Variants in STRIP2 observed in about 807,000 individuals in gnomAD.
STRIP2 encodes striatin interacting protein 2.
In STRIP2, 84 loss-of-function variants were observed where a neutral mutation model predicts 107.1. That is an observed-to-expected ratio of 0.78 (90% CI 0.66 to 0.94). STRIP2 has a LOEUF of 0.94. Ranked by LOEUF, STRIP2 falls within the 40% of genes least tolerant of loss-of-function variation. The pLI, the probability that STRIP2 is intolerant of heterozygous loss-of-function variation, is 0.00. For missense variants in STRIP2, 888 were observed against 1,034.2 expected (o/e 0.86, Z 1.94); for synonymous variants, 394 against 400.4 (o/e 0.98, Z 0.19).
At chr7:129,437,565 G>C (rs1797776205) in intron 1 of STRIP2, among the ~76,000 whole-genome samples, 2 of 151,896 alleles carry the variant, frequency 1.3e-5, no homozygotes, top group South Asian at 4.2e-4. Context: ...TAATGTAAAA[G>C]GTATCATTTT....
intron 18 of STRIP2, among the ~76,000 whole-genome samples, chr7:129,477,613 T>C (rs1799005477): frequency 6.6e-6 from 1 of 152,236 alleles, no homozygotes; most frequent in Admixed American, 6.5e-5. Context: ...TATCCACTTA[T>C]TTCACTTGAG....
At chr7:129,452,930 G>GGAAT (rs1798235990) in intron 4 of STRIP2, among the ~76,000 whole-genome samples, 1 of 152,104 alleles carries the variant, frequency 6.6e-6, no homozygotes, top group Admixed American at 6.5e-5. Flanking sequence ...ATGATTCCTG[G>GGAAT]GAATGATTCC....
At chr7:129,453,499 A>C (rs1798256391) in intron 5 of STRIP2, 152 bp downstream of exon 5, 3 of 976,470 alleles carry the variant, frequency 3.1e-6, no homozygotes, top group African/African-American at 3.3e-5. Flanking sequence ...GTTCCCCTCC[A>C]TCCAGCCATG....
At chr7:129,480,507 A>C (rs1799089912) in intron 18 of STRIP2, among the ~76,000 whole-genome samples, 1 of 152,196 alleles carries the variant, frequency 6.6e-6, no homozygotes, top group Non-Finnish European at 1.5e-5. Flanking sequence ...CTAGAGCAAT[A>C]AGCTACACAA....
chr7:129,460,279 G>T (rs1798494631), intron 12 of STRIP2, 22 bp from the exon 13 acceptor site: 2 of 1,609,422 alleles, frequency 1.2e-6, no homozygotes, highest in South Asian at 2.2e-5. Flanking sequence ...AGCCCTTGTT[G>T]ATGTCTTCTT....
At position 129,480,888 on chromosome 7, in the gene STRIP2, T is replaced by G. The variant is rs200116230; in HGVS notation, c.2048T>G (p.Met683Arg). 3.2e-5 allele frequency: 51 copies of G among 1,607,876 alleles called. No individual in the cohort carries two copies. The highest frequency in any genetic ancestry group is 6.8e-6 in the Non-Finnish European group (8 of 1,177,888). Residue 683 changes from methionine to arginine, a missense_variant and splice_region_variant, in exon 19 of 21, where the codon ATG becomes AGG. Coordinates refer to ENST00000249344, the MANE Select transcript of STRIP2 (RefSeq NM_020704.3). ...KLTKWKHSRT[M>R]MLVVFKSAPI... ...ACCAAATGGAAACATTCCCGGACCA[T>G]GGTGAGTGTGGTTTTTTACATCATG...
chr7:129,435,890 G>A (rs922163328), intron 1 of STRIP2, among the ~76,000 whole-genome samples: 1 of 152,078 alleles, frequency 6.6e-6, no homozygotes, highest in Non-Finnish European at 1.5e-5. Flanking sequence ...GTGATTTCAT[G>A]TATGCTTTAC....
chr7:129,452,088 C>A (rs1798209593), intron 4 of STRIP2, among the ~76,000 whole-genome samples: 1 of 152,160 alleles, frequency 6.6e-6, no homozygotes, highest in African/African-American at 2.4e-5. Context: ...GGAGACAAGA[C>A]ATCAACTGTG....
At chr7:129,457,432 T>C (rs768778976) in intron 9 of STRIP2, among the ~76,000 whole-genome samples, 2 of 152,214 alleles carry the variant, frequency 1.3e-5, no homozygotes, top group African/African-American at 2.4e-5. Context: ...CATTGTTGAC[T>C]GAAGCATCGT....
At position 129,485,840 on chromosome 7, in the gene STRIP2, G is replaced by C; in HGVS notation, c.*11G>C. 15 of 1,613,410 alleles carry C rather than the reference G, an allele frequency of 9.3e-6. No homozygotes were observed. Among genetic ancestry groups the C allele is most frequent in the Non-Finnish European group, 1.3e-5 (15 of 1,179,918 alleles). On this transcript the variant is annotated 3_prime_UTR_variant, in exon 21 of 21. Transcript: ENST00000249344. ...CTCCAGAATCACTGACTAAGTTCTT[G>C]TCAACAAGCATCAATAGATAGAGGT...
At chr7:129,443,040 TC>T (rs1214354346) in intron 2 of STRIP2, among the ~76,000 whole-genome samples, 2 of 141,556 alleles carry the variant, frequency 1.4e-5, no homozygotes, top group African/African-American at 5.0e-5. Context: ...CTTCTTTCTT[TC>T]TTTTTTTTTT....
At chr7:129,441,056 A>G (rs1797885985) in intron 2 of STRIP2, among the ~76,000 whole-genome samples, 1 of 152,078 alleles carries the variant, frequency 6.6e-6, no homozygotes, top group South Asian at 2.1e-4. Context: ...TGAGCAACCC[A>G]ACAAAGAAAT....
At position 129,480,129 on chromosome 7, in the gene STRIP2, C is replaced by T. The variant is rs971776486; in HGVS notation, c.1945-656C>T. ...AGCCCCAAATTCACATAAGGACTCACATTTTTATTTCTGAAAAATCTTTCT... is the reference window on the plus strand; with the variant it reads ...AGCCCCAAATTCACATAAGGACTCATATTTTTATTTCTGAAAAATCTTTCT... On this transcript the variant is annotated intron_variant, in intron 18 of 20. Transcript: ENST00000249344. Among the ~76,000 whole-genome samples, 48 of 152,200 alleles carry T rather than the reference C, an allele frequency of 3.2e-4. 1 individual carries two copies. Among genetic ancestry groups the T allele is most frequent in the Admixed American group, 1.7e-3 (26 of 15,270 alleles).
intron 18 of STRIP2, among the ~76,000 whole-genome samples, chr7:129,476,393 G>A (rs1490304271): frequency 7.0e-6 from 1 of 143,264 alleles, no homozygotes; most frequent in Non-Finnish European, 1.5e-5. Context: ...GGCGGCTGCC[G>A]GGCGGAGGGG....
rs778852223 is a variant in STRIP2, at chr7:129,480,907, C to T, written c.2049+18C>T. On this transcript the variant is annotated intron_variant, in intron 19 of 20. Transcript: ENST00000249344. Reference sequence around the variant, plus strand: ...GGACCATGGTGAGTGTGGTTTTTTACATCATGGAGTTGTCCATCTGACTGA... The same window carrying T: ...GGACCATGGTGAGTGTGGTTTTTTATATCATGGAGTTGTCCATCTGACTGA... 1.3e-6 allele frequency: 2 copies of T among 1,586,640 alleles called. No individual in the cohort carries two copies. The highest frequency in any genetic ancestry group is 1.7e-6 in the Non-Finnish European group (2 of 1,162,098).
At chr7:129,456,149 T>A (rs1798344717) in intron 8 of STRIP2, among the ~76,000 whole-genome samples, 1 of 113,448 alleles carries the variant, frequency 8.8e-6, no homozygotes, top group East Asian at 2.7e-4. Flanking sequence ...TTCTTTTTTT[T>A]CTTTTTTTTT....
In STRIP2 at chr7:129,464,072, C is replaced by T. The variant is rs778936957; in HGVS notation, c.1580C>T (p.Ala527Val). The T allele has an allele frequency of 8.7e-6, 14 of 1,613,448 alleles. No individual in the cohort carries two copies. The highest frequency in any genetic ancestry group is 2.7e-5 in the African/African-American group (2 of 74,908). ...MIALLKILLA[A>V]APTSKAKTDS... is the part of the protein sequence containing the mutation. ...GCTCTGCTTAAGATTCTGCTGGCTG[C>T]AGCTCCCACCTCTAAGGCTAAGACA... The change falls in exon 15 of 21, where the codon GCA becomes GTA. Residue 527 changes from alanine to valine, a missense_variant. Ala to Val is a moderately conservative substitution (Grantham distance 64). Transcript: ENST00000249344.
At chr7:129,460,236 T>A in intron 12 of STRIP2, 65 bp from the exon 13 acceptor site, 1 of 1,431,272 alleles carries the variant, frequency 7.0e-7, no homozygotes. Context: ...GGAATTTAAG[T>A]AAGAGACTGG....
chr7:129,439,688 T>C (rs934250446), intron 1 of STRIP2, among the ~76,000 whole-genome samples: 4 of 152,230 alleles, frequency 2.6e-5, no homozygotes, highest in Non-Finnish European at 5.9e-5. Context: ...GTCTCAATTT[T>C]ATATAAATCA....
Sources: gnomAD v4.1 joint callset for allele counts (sites outside exome capture counted in the v4.1 genomes callset) on GRCh38, gnomAD v4.1.1 for gene constraint, MANE v1.5 for transcripts, NCBI Gene and HGNC (gene_info 2026-07-23, HGNC 2026-07-21) for gene names.